The following JMJD1C variants were observed in gnomAD, a reference collection of about 807,000 sequenced individuals.
JMJD1C encodes the protein jumonji domain-containing protein 1C.
In JMJD1C, 31 loss-of-function variants were observed where a neutral mutation model predicts 245.3. That is an observed-to-expected ratio of 0.13 (90% CI 0.09 to 0.17). The LOEUF is 0.17. JMJD1C is among the 10% of genes least tolerant of loss of function. The pLI, the probability that JMJD1C is intolerant of heterozygous loss-of-function variation, is 1.00. For synonymous variants in JMJD1C, 1,057 were observed against 1,017.4 expected (o/e 1.04, Z -0.74); for missense variants, 2,691 against 3,000.2 (o/e 0.90, Z 2.41).
Position 63,465,652 on chromosome 10 carries a change from T to C in JMJD1C, c.11A>G (p.Glu4Gly), listed in dbSNP as rs1157345246. 1 of 1,609,018 alleles carries C rather than the reference T, an allele frequency of 6.2e-7. No homozygotes were observed. Among genetic ancestry groups the C allele is most frequent in the Non-Finnish European group, 8.5e-7 (1 of 1,179,846 alleles). The change falls in exon 1 of 26, where the codon GAG (glutamate) becomes GGG (glycine). Residue 4 changes from glutamate (E) to glycine (G), a missense_variant. Glu to Gly is a moderately conservative substitution (Grantham distance 98). Coordinates refer to ENST00000399262, the MANE Select transcript of JMJD1C (RefSeq NM_032776.3). MAVETRAELVGKRF... is the reference protein window; with the variant it reads MAVGTRAELVGKRF... ...CTTACCCACCAGCTCTGCCCGCGTC[T>C]CTACCGCCATAGCTGTCGCTGCCGA...
chr10:63,380,561 T>C, intron 1 of JMJD1C, 79 bp from the exon 2 acceptor site: 1 of 1,072,984 alleles, frequency 9.3e-7, no homozygotes, highest in Middle Eastern at 3.0e-4. Flanking sequence ...ATAATAATTG[T>C]ACATATTTAT....
chr10:63,363,275 T>C (rs975016432), intron 2 of JMJD1C, among the ~76,000 whole-genome samples: 3,001 of 141,602 alleles, frequency 0.021, 47 homozygotes, highest in Non-Finnish European at 0.032. Flanking sequence ...TTTTTTTTTT[T>C]CCTGATGGAG....
intron 2 of JMJD1C, among the ~76,000 whole-genome samples, chr10:63,337,634 G>GAAAAGAAAAGAAAAGA (rs1554892810): frequency 1.4e-5 from 2 of 142,546 alleles, no homozygotes; most frequent in Admixed American, 6.9e-5. Context: ...AAAAAGAAAA[G>GAAAAGAAAAGAAAAGA]AAAAAAAATC....
chr10:63,412,283 G>A lies in JMJD1C; in HGVS notation c.169-31801C>T, dbSNP rs370573446. Among the ~76,000 whole-genome samples, 5 of 152,076 alleles carry A rather than the reference G, an allele frequency of 3.3e-5. 1 individual carries two copies. The highest frequency in any genetic ancestry group is 1.2e-4 in the African/African-American group (5 of 41,392). On this transcript the variant is annotated intron_variant, in intron 1 of 25. Transcript: ENST00000399262. ...GTCTATTATATACTGTATTCTTACAGTAAAGTAAGCTAGAGAAGTTATTAT... is the reference window on the plus strand; with the variant it reads ...GTCTATTATATACTGTATTCTTACAATAAAGTAAGCTAGAGAAGTTATTAT...
chr10:63,204,921 T>C (rs1846418967), intron 10 of JMJD1C: 3 of 985,340 alleles, frequency 3.0e-6, no homozygotes, highest in Admixed American at 6.1e-5. Flanking sequence ...AGCATCCAAG[T>C]GCTTGTGAAA....
chr10:63,442,847 GT>G (rs145167863), intron 1 of JMJD1C, among the ~76,000 whole-genome samples: 13,217 of 152,056 alleles, frequency 0.087, 807 homozygotes, highest in Non-Finnish European at 0.14. Flanking sequence ...TAAGTATTGA[GT>G]TTTTTTTCCT....
rs1846743129 is a variant in JMJD1C at position 63,207,282 on chromosome 10, T to C, written c.4387A>G (p.Thr1463Ala). 6.2e-7 allele frequency: 1 copy of C among 1,613,832 alleles called. No individual in the cohort carries two copies. The highest frequency in any genetic ancestry group is 1.3e-5 in the African/African-American group (1 of 75,050). ...TAPVTLASSK[T>A]GSVVQPSSGF... ...GAACTGGGTTGAACAACACTTCCTG[T>C]CTTACTACTGGCTAATGTAACTGGT... The change falls in exon 10 of 26, where the codon ACA becomes GCA. Residue 1463 changes from threonine (T) to alanine (A), a missense_variant. This residue lies in a region of JMJD1C where 1,562 missense variants were observed against 1,490.7 expected (regional missense o/e 1.05). Transcript: ENST00000399262.
intron 1 of JMJD1C, chr10:63,427,649 C>CT: frequency 1.5e-6 from 2 of 1,329,036 alleles, no homozygotes; most frequent in South Asian, 1.2e-5. Context: ...TGTATGAACT[C>CT]TAACAACAGT....
At chr10:63,323,466 GC>G (rs1941148157) in intron 2 of JMJD1C, among the ~76,000 whole-genome samples, 1 of 152,114 alleles carries the variant, frequency 6.6e-6, no homozygotes, top group Non-Finnish European at 1.5e-5. Context: ...GTTGCAGTGA[GC>G]CAAGATCGCG....
At chr10:63,187,230 T>G (rs938140896) in intron 18 of JMJD1C, among the ~76,000 whole-genome samples, 3 of 152,120 alleles carry the variant, frequency 2.0e-5, no homozygotes, top group Admixed American at 2.0e-4. Context: ...GCCAATAATA[T>G]ATACGACTTT....
In JMJD1C at chr10:63,271,562, T is replaced by A. The variant is rs182840342; in HGVS notation, c.334-6798A>T. ...AAAAATTCATGCTAATTAAAAAAAA[T>A]TTTTTTGAGATAGAGTTTCGCTCAT... On this transcript the variant is annotated intron_variant, in intron 2 of 25. Coordinates refer to ENST00000399262, the MANE Select transcript of JMJD1C (RefSeq NM_032776.3). Among the ~76,000 whole-genome samples the A allele has an allele frequency of 4.7e-4, 71 of 152,084 alleles. No individual in the cohort carries two copies. The South Asian group carries it at 8.9e-3, about 19-fold the overall frequency.
At chr10:63,180,930 G>A (rs190160250) in intron 22 of JMJD1C, among the ~76,000 whole-genome samples, 7,769 of 152,006 alleles carry the variant, frequency 0.051, 298 homozygotes, top group African/African-American at 0.11. Flanking sequence ...CACTACGCCC[G>A]GCTAATTTTT....
intron 1 of JMJD1C, among the ~76,000 whole-genome samples, chr10:63,407,613 T>C (rs1293020043): frequency 2.6e-5 from 4 of 151,940 alleles, no homozygotes; most frequent in Non-Finnish European, 5.9e-5. Context: ...TCTGAAAGAA[T>C]TGTCAGGAAT....
intron 2 of JMJD1C, among the ~76,000 whole-genome samples, chr10:63,329,296 G>A (rs1035174741): frequency 2.0e-5 from 3 of 149,668 alleles, no homozygotes; most frequent in Non-Finnish European, 3.0e-5. Flanking sequence ...AAAAAAGAAA[G>A]AAAGAAAGAA....
chr10:63,239,228 A>G (rs561433573), intron 3 of JMJD1C, among the ~76,000 whole-genome samples: 1 of 152,292 alleles, frequency 6.6e-6, no homozygotes, highest in East Asian at 1.9e-4. Flanking sequence ...ATATAGGGAC[A>G]AGTACACTGG....
intron 1 of JMJD1C, among the ~76,000 whole-genome samples, chr10:63,444,359 C>T (rs570822248): frequency 4.6e-5 from 7 of 152,210 alleles, no homozygotes; most frequent in East Asian, 1.9e-4. Context: ...CCGCAACCTC[C>T]GCCTCCCAGG....
intron 1 of JMJD1C, among the ~76,000 whole-genome samples, chr10:63,462,559 G>C (rs1328207537): frequency 6.6e-6 from 1 of 152,152 alleles, no homozygotes; most frequent in Non-Finnish European, 1.5e-5. Context: ...GATTATCCTG[G>C]ATTATGTCAA....
chr10:63,468,697 A>T (rs1044736572), upstream of JMJD1C, among the ~76,000 whole-genome samples: 46 of 152,260 alleles, frequency 3.0e-4, no homozygotes, highest in Non-Finnish European at 4.4e-5. Flanking sequence ...AAATATGTCC[A>T]TTAAATATGC....
chr10:63,420,589 C>T (rs1310139807), intron 1 of JMJD1C, among the ~76,000 whole-genome samples: 2 of 150,124 alleles, frequency 1.3e-5, no homozygotes, highest in South Asian at 4.2e-4. Flanking sequence ...CCTTTAGTCC[C>T]AGCTACATGG....
Sources: gnomAD v4.1 joint callset for allele counts (sites outside exome capture counted in the v4.1 genomes callset) on GRCh38, gnomAD v4.1.1 for gene constraint, gnomAD v4.1.1 regional missense constraint, MANE v1.5 for transcripts, NCBI Gene and HGNC (gene_info 2026-07-23, HGNC 2026-07-21) for gene names.